The following UQCC4 variants were observed in gnomAD, a reference collection of about 807,000 sequenced individuals.
UQCC4 encodes cattle cerebrum and skeletal muscle-specific protein 1 family member.
chr16:1,420,190 T>C, the UQCC4 span: 13 of 1,613,970 alleles, frequency 8.1e-6, no homozygotes, highest in Non-Finnish European at 1.0e-5. Context: ...AAACGTGACA[T>C]CAAATCCGAA....
chr16:1,420,016 T>A, the UQCC4 span: 85 of 1,606,680 alleles, frequency 5.3e-5, no homozygotes, highest in Non-Finnish European at 6.6e-5. Context: ...ATCTGAGAAG[T>A]CTTGCCGATG....
the UQCC4 span, chr16:1,420,320 A>G: frequency 6.2e-7 from 1 of 1,613,942 alleles, no homozygotes; most frequent in Non-Finnish European, 8.5e-7. Flanking sequence ...ACCTCTCCCC[A>G]CACCTGTCTC....
chr16:1,420,627 G>A, the UQCC4 span: 3 of 1,554,364 alleles, frequency 1.9e-6, no homozygotes, highest in Admixed American at 2.0e-5. Context: ...AAGAGAGAGA[G>A]CAGTAAGCGC....
chr16:1,420,728 G>C, the UQCC4 span: 6 of 1,538,542 alleles, frequency 3.9e-6, no homozygotes, highest in African/African-American at 4.1e-5. Context: ...ATTCATTGCT[G>C]CCTTGACTCC....
At chr16:1,420,256 G>C in the UQCC4 span, 23 of 1,613,346 alleles carry the variant, frequency 1.4e-5, no homozygotes, top group Admixed American at 6.7e-5. Context: ...TCAAGTTCTC[G>C]CTCTGTAGGC....
chr16:1,420,354 C>T, the UQCC4 span: 3 of 1,614,144 alleles, frequency 1.9e-6, no homozygotes, highest in Non-Finnish European at 2.5e-6. Flanking sequence ...CCTCGCTCTC[C>T]TCCCTCAGGT....
At chr16:1,420,425 G>T in the UQCC4 span, 10 of 1,614,136 alleles carry the variant, frequency 6.2e-6, no homozygotes, top group African/African-American at 1.3e-4. Context: ...CACCAGGGCC[G>T]CTGATGTCCC....
At chr16:1,420,632 A>G in the UQCC4 span, 4 of 1,551,758 alleles carry the variant, frequency 2.6e-6, no homozygotes, top group Non-Finnish European at 3.5e-6. Context: ...AGAGAGCAGT[A>G]AGCGCTCCGC....
chr16:1,420,705 C>G, the UQCC4 span: 3 of 1,542,736 alleles, frequency 1.9e-6, no homozygotes, highest in Non-Finnish European at 1.7e-6. Flanking sequence ...GCCGCCGGGG[C>G]ACACAAGACA....
chr16:1,420,727 T>C, the UQCC4 span: 4 of 1,538,788 alleles, frequency 2.6e-6, no homozygotes, highest in East Asian at 2.4e-5. Context: ...GATTCATTGC[T>C]GCCTTGACTC....
the UQCC4 span, chr16:1,420,694 G>A: frequency 3.2e-6 from 5 of 1,544,754 alleles, no homozygotes; most frequent in East Asian, 4.9e-5. Flanking sequence ...GAGCTCACCC[G>A]GCCGCCGGGG....
chr16:1,420,114 G>C, the UQCC4 span: 109 of 1,613,392 alleles, frequency 6.8e-5, no homozygotes, highest in Non-Finnish European at 8.6e-5. Context: ...GCATAGCCAA[G>C]TGCCCCATCC....
At chr16:1,420,328 C>T in the UQCC4 span, 39 of 1,614,104 alleles carry the variant, frequency 2.4e-5, no homozygotes, top group African/African-American at 5.2e-4. Context: ...CCACACCTGT[C>T]TCAACCACTG....
chr16:1,420,442 A>T, the UQCC4 span: 2 of 1,614,118 alleles, frequency 1.2e-6, no homozygotes, highest in Admixed American at 3.3e-5. Flanking sequence ...TCCCTTTCCC[A>T]TGGTATGGCC....
chr16:1,420,669 C>G, the UQCC4 span: 2 of 1,549,260 alleles, frequency 1.3e-6, no homozygotes, highest in Middle Eastern at 1.8e-4. Flanking sequence ...GCCCTCGGCC[C>G]TCCGAGACCT....
the UQCC4 span, chr16:1,420,611 C>T: frequency 6.4e-7 from 1 of 1,569,726 alleles, no homozygotes; most frequent in Non-Finnish European, 8.6e-7. Context: ...GCCCGGACGG[C>T]CCTGGAAGAG....
chr16:1,420,653 G>T, the UQCC4 span: 9 of 1,551,300 alleles, frequency 5.8e-6, no homozygotes, highest in South Asian at 1.1e-4. Flanking sequence ...CCGCCCGCCG[G>T]TGTCTGCCCT....
At chr16:1,419,988 C>A in the UQCC4 span, 2 of 1,592,996 alleles carry the variant, frequency 1.3e-6, no homozygotes, top group Non-Finnish European at 1.7e-6. Context: ...TACAGTGCAA[C>A]TGAAACCTTC....
At chr16:1,420,196 C>T in the UQCC4 span, 1 of 1,614,058 alleles carries the variant, frequency 6.2e-7, no homozygotes, top group Non-Finnish European at 8.5e-7. Context: ...GACATCAAAT[C>T]CGAAGGGCGG....
Sources: allele counts gnomAD v4.1 joint callset, GRCh38; gene constraint gnomAD v4.1.1; transcripts MANE v1.5; gene names NCBI Gene and HGNC (gene_info 2026-07-23, HGNC 2026-07-21).